Variants in EFCAB5 observed in about 807,000 individuals in gnomAD.
EFCAB5 encodes the protein EF-hand calcium binding domain 5.
EFCAB5 carries 131 observed loss-of-function variants against 167.9 expected under a neutral mutation model. The observed-to-expected ratio is 0.78, with a 90% confidence interval of 0.68 to 0.90. The LOEUF is 0.90. Ranked by LOEUF, EFCAB5 falls within the 40% of genes least tolerant of loss-of-function variation. The probability of loss-of-function intolerance (pLI) is 0.00; values close to 1 mark genes in which losing one functional copy is unlikely to be tolerated. For missense variants in EFCAB5, 1,663 were observed against 1,745.2 expected (o/e 0.95, Z 0.84); for synonymous variants, 574 against 602.8 (o/e 0.95, Z 0.70).
chr17:29,986,707 C>T (rs565109870), intron 4 of EFCAB5, among the ~76,000 whole-genome samples: 8 of 119,340 alleles, frequency 6.7e-5, no homozygotes, highest in Admixed American at 1.2e-4. Flanking sequence ...AGTGCAGTGG[C>T]GCAATCTCGG....
In EFCAB5 at chr17:30,093,054, T is replaced by C. The variant is rs1041703932; in HGVS notation, c.4321+118T>C. 14 of 628,458 alleles carry C rather than the reference T, an allele frequency of 2.2e-5. No homozygotes were observed. In the African/African-American group the frequency reaches 2.4e-4, roughly 11 times the overall value. 38.9% of individuals were successfully genotyped at this position (628,458 alleles called of 1,614,324 possible). ...TTCAGTTTTTAGGAGAAAATAGTTA[T>C]AAGTCTTCTAAGAGGAGGGACACTA... On this transcript the variant is annotated intron_variant, in intron 22 of 22. Transcript: ENST00000394835.
At chr17:30,075,274 C>T (rs546529489) in intron 14 of EFCAB5, among the ~76,000 whole-genome samples, 21 of 152,292 alleles carry the variant, frequency 1.4e-4, no homozygotes, top group South Asian at 1.2e-3. Flanking sequence ...TTGCACTAAT[C>T]GGCCCTTCCC....
chr17:29,946,523 G>A (rs778560554), intron 3 of EFCAB5, among the ~76,000 whole-genome samples: 8 of 134,992 alleles, frequency 5.9e-5, no homozygotes, highest in Non-Finnish European at 9.2e-5. Context: ...TGCAAGCTCC[G>A]CCTCCCAGGT....
At chr17:30,080,626 A>T in intron 16 of EFCAB5, 127 bp from the exon 17 acceptor site, 1 of 691,950 alleles carries the variant, frequency 1.4e-6, no homozygotes, top group Non-Finnish European at 2.4e-6. Flanking sequence ...TGGTCATCTT[A>T]TCTGAGTCCA....
At chr17:29,985,413 G>C (rs917060391) in intron 4 of EFCAB5, among the ~76,000 whole-genome samples, 1 of 152,192 alleles carries the variant, frequency 6.6e-6, no homozygotes, top group African/African-American at 2.4e-5. Flanking sequence ...GACCAGCTCA[G>C]TCATGGAGAC....
intron 6 of EFCAB5, among the ~76,000 whole-genome samples, chr17:29,998,994 C>A (rs2068604456): frequency 6.6e-6 from 1 of 151,998 alleles, no homozygotes; most frequent in African/African-American, 2.4e-5. Context: ...TGATATCATT[C>A]TCTTGATTTT....
chr17:29,975,263 T>C (rs1210771515), intron 4 of EFCAB5, among the ~76,000 whole-genome samples: 3 of 142,138 alleles, frequency 2.1e-5, no homozygotes, highest in Non-Finnish European at 4.7e-5. Flanking sequence ...CCTACACTAA[T>C]TTTTTTTTTT....
At chr17:29,947,430 G>A (rs1201492761) in intron 3 of EFCAB5, among the ~76,000 whole-genome samples, 1 of 152,074 alleles carries the variant, frequency 6.6e-6, no homozygotes. Context: ...AGGGTGGAAG[G>A]AGGGGCAAGG....
intron 4 of EFCAB5, among the ~76,000 whole-genome samples, chr17:29,983,936 CA>C (rs1409986408): frequency 1.3e-5 from 2 of 151,932 alleles, no homozygotes; most frequent in Admixed American, 1.3e-4. Context: ...ATATTTCAAG[CA>C]GATGGGAAAA....
In EFCAB5 at chr17:30,001,664, A is replaced by G. The variant is rs893024536; in HGVS notation, c.1044+1688A>G. 4.6e-5 allele frequency among the ~76,000 whole-genome samples: 7 copies of G among 152,234 alleles called. No homozygotes were observed. The East Asian group carries it at 5.8e-4, about 13-fold the overall frequency. On this transcript the variant is annotated intron_variant, in intron 7 of 22. Coordinates refer to ENST00000394835, the MANE Select transcript of EFCAB5 (RefSeq NM_198529.4). Reference sequence around the variant, plus strand: ...TATGTGAATTATGTCTCCATAAAAGATAATATAAGTTCATTATAAAAATTT... The same window carrying G: ...TATGTGAATTATGTCTCCATAAAAGGTAATATAAGTTCATTATAAAAATTT...
chr17:29,962,319 G>C (rs899822142), intron 3 of EFCAB5, among the ~76,000 whole-genome samples: 15 of 152,068 alleles, frequency 9.9e-5, no homozygotes, highest in Non-Finnish European at 2.1e-4. Flanking sequence ...TATGAATAGG[G>C]ACATCTTTCT....
At chr17:29,943,060 A>C (rs2067326453) in intron 2 of EFCAB5, among the ~76,000 whole-genome samples, 1 of 151,508 alleles carries the variant, frequency 6.6e-6, no homozygotes, top group Non-Finnish European at 1.5e-5. Flanking sequence ...ATATATATAT[A>C]TATAGTCAGA....
intron 17 of EFCAB5, 149 bp from the exon 18 acceptor site, chr17:30,082,742 C>T: frequency 1.2e-6 from 1 of 812,250 alleles, no homozygotes; most frequent in Non-Finnish European, 1.8e-6. Context: ...GAATCTGGAA[C>T]ACTGCCCTTT....
chr17:29,980,236 T>G (rs563778703), intron 4 of EFCAB5, among the ~76,000 whole-genome samples: 1 of 152,308 alleles, frequency 6.6e-6, no homozygotes, highest in East Asian at 1.9e-4. Context: ...ATTTATTGCA[T>G]AACTACTGAG....
intron 4 of EFCAB5, among the ~76,000 whole-genome samples, chr17:29,982,944 C>A (rs569607038): frequency 6.6e-6 from 1 of 152,282 alleles, no homozygotes; most frequent in Non-Finnish European, 1.5e-5. Flanking sequence ...TTATGCTTTT[C>A]TTTAAAAGGT....
chr17:30,064,493 T>C (rs1055077840), intron 14 of EFCAB5, among the ~76,000 whole-genome samples: 1 of 151,950 alleles, frequency 6.6e-6, no homozygotes, highest in Non-Finnish European at 1.5e-5. Context: ...GAAATAAGAA[T>C]GAAAAAGAGT....
chr17:30,013,072 G>T (rs889210059), intron 7 of EFCAB5, among the ~76,000 whole-genome samples: 6 of 152,130 alleles, frequency 3.9e-5, no homozygotes, highest in African/African-American at 1.2e-4. Flanking sequence ...ATGTGGTTTT[G>T]TCTTCGGTTC....
intron 7 of EFCAB5, among the ~76,000 whole-genome samples, chr17:30,033,455 T>A (rs1254776886): frequency 1.3e-5 from 2 of 152,226 alleles, no homozygotes; most frequent in Non-Finnish European, 2.9e-5. Context: ...GGATACCTTC[T>A]ATCTCTTAAA....
chr17:29,985,622 A>G (rs546937841), intron 4 of EFCAB5, among the ~76,000 whole-genome samples: 65 of 152,334 alleles, frequency 4.3e-4, no homozygotes, highest in African/African-American at 1.5e-3. Context: ...GGATGGGCTG[A>G]AACAAAGGGA....
Sources: gnomAD v4.1 joint callset for allele counts (sites outside exome capture counted in the v4.1 genomes callset) on GRCh38, gnomAD v4.1.1 for gene constraint, MANE v1.5 for transcripts, NCBI Gene and HGNC (gene_info 2026-07-23, HGNC 2026-07-21) for gene names.